ZNF654: variants seen among roughly 807,000 people sequenced by gnomAD.
ZNF654 encodes melanoma-associated antigen.
A neutral mutation model predicts 95.3 loss-of-function variants in ZNF654; 19 were observed. The observed-to-expected ratio is 0.20, with a 90% confidence interval of 0.14 to 0.29. ZNF654 has a LOEUF of 0.29. ZNF654 is among the 10% of genes least tolerant of loss of function. ZNF654 has a pLI of 1.00. For synonymous variants in ZNF654, 413 were observed against 457.9 expected, an observed-to-expected ratio of 0.90 and a Z score of 1.25; for missense variants, 1,046 against 1,341.0, an observed-to-expected ratio of 0.78 and a Z score of 3.44.
At chr3:88,091,777 T>C (rs551932214) in intron 2 of ZNF654, among the ~76,000 whole-genome samples, 1 of 152,286 alleles carries the variant, frequency 6.6e-6, no homozygotes, top group South Asian at 2.1e-4. Flanking sequence ...CTGCACATGC[T>C]CTCTTGCCTG....
chr3:88,130,569 GCCT>G (rs2107841108), intron 6 of ZNF654, among the ~76,000 whole-genome samples: 1 of 151,206 alleles, frequency 6.6e-6, no homozygotes, highest in South Asian at 2.1e-4. Flanking sequence ...TCCCGCCTCA[GCCT>G]CCTCAGTAGC....
chr3:88,104,643 A>T (rs1247536852), intron 2 of ZNF654, among the ~76,000 whole-genome samples: 1 of 152,214 alleles, frequency 6.6e-6, no homozygotes, highest in Non-Finnish European at 1.5e-5. Flanking sequence ...ATTAGGCGGG[A>T]TTTTTAAAGA....
chr3:88,122,370 A>G (rs540715759), intron 3 of ZNF654, among the ~76,000 whole-genome samples: 3 of 152,316 alleles, frequency 2.0e-5, no homozygotes, highest in Non-Finnish European at 4.4e-5. Flanking sequence ...CTTTCATCCT[A>G]TGATAAACTG....
intron 3 of ZNF654, among the ~76,000 whole-genome samples, chr3:88,122,593 A>G (rs1705834564): frequency 6.6e-6 from 1 of 152,206 alleles, no homozygotes; most frequent in African/African-American, 2.4e-5. Flanking sequence ...AATGGAAGTA[A>G]TTAAGGGGAT....
At chr3:88,081,905 A>T (rs563421113) in intron 1 of ZNF654, among the ~76,000 whole-genome samples, 18 of 152,332 alleles carry the variant, frequency 1.2e-4, no homozygotes, top group African/African-American at 4.3e-4. Context: ...ATACTTTTAT[A>T]TATACAACTA....
At chr3:88,111,245 G>GA (rs1232223338) in intron 2 of ZNF654, among the ~76,000 whole-genome samples, 3 of 151,912 alleles carry the variant, frequency 2.0e-5, no homozygotes, top group African/African-American at 7.2e-5. Context: ...TAGTAAAAAT[G>GA]AAAAATTACA....
Position 88,092,579 on chromosome 3 carries a change from C to G in ZNF654, c.332+6177C>G, listed in dbSNP as rs1319497755. On this transcript the variant is annotated intron_variant, in intron 2 of 8. Transcript: ENST00000636215. ...ATGGCAAACAGAATGTTTAAGGCAC[C>G]TGGATATTAACAGATTTCAATATAT... 3.3e-5 allele frequency among the ~76,000 whole-genome samples: 5 copies of G among 152,142 alleles called. No homozygotes were observed. In the East Asian group the frequency reaches 9.7e-4, roughly 29 times the overall value.
rs566270094 is a variant in ZNF654, at chr3:88,083,397, T to C, written c.187-2860T>C. ...TTAAGATATGACATTTTATAGTATA[T>C]ACTATATCCCATTTAGAGCAGAGTA... On this transcript the variant is annotated intron_variant, in intron 1 of 8. Transcript: ENST00000636215. Among the ~76,000 whole-genome samples, 35 of 152,344 alleles carry C rather than the reference T, an allele frequency of 2.3e-4. No homozygotes were observed. In the South Asian group the frequency reaches 6.8e-3, roughly 30 times the overall value.
chr3:88,060,089 CAG>C (rs747136360), intron 1 of ZNF654, among the ~76,000 whole-genome samples: 1 of 152,134 alleles, frequency 6.6e-6, no homozygotes, highest in Non-Finnish European at 1.5e-5. Context: ...TTTTTTCGGA[CAG>C]AGAGTGCGTT....
chr3:88,134,742 T>C (rs775222493), intron 6 of ZNF654, among the ~76,000 whole-genome samples: 2 of 152,120 alleles, frequency 1.3e-5, no homozygotes, highest in South Asian at 4.1e-4. Context: ...CCAAAGTTTA[T>C]TATTTTTAAG....
intron 2 of ZNF654, among the ~76,000 whole-genome samples, chr3:88,112,221 A>G (rs1335956554): frequency 1.3e-5 from 2 of 151,814 alleles, no homozygotes; most frequent in African/African-American, 2.4e-5. Flanking sequence ...AAAAGCATAT[A>G]TATTCTCATG....
At position 88,140,485 on chromosome 3, in the gene ZNF654, T is replaced by C. The variant is rs775471030; in HGVS notation, c.2816T>C (p.Val939Ala). The change falls in exon 8 of 9, where the codon GTT (valine) becomes GCT (alanine). Residue 939 changes from valine to alanine, a missense_variant. This residue lies in a region of ZNF654 where 495 missense variants were observed against 537.0 expected (regional missense o/e 0.92). Transcript: ENST00000636215. ...ESMEKKTDSL[V>A]QNGNERSDDT... ...ATGGAAAAGAAAACAGACAGTTTAG[T>C]TCAGAATGGAAACGAACGTTCTGAT... is the stretch of plus-strand genomic sequence containing the variant. 6.2e-7 allele frequency: 1 copy of C among 1,613,580 alleles called. No individual in the cohort carries two copies. The highest frequency in any genetic ancestry group is 1.3e-5 in the African/African-American group (1 of 74,882).
intron 7 of ZNF654, 70 bp downstream of exon 7, chr3:88,135,272 G>T: frequency 8.1e-7 from 1 of 1,229,168 alleles, no homozygotes; most frequent in South Asian, 2.1e-5. Context: ...AATCTCTTTT[G>T]ATAAAATTTA....
intron 1 of ZNF654, among the ~76,000 whole-genome samples, chr3:88,061,776 T>C (rs1706899207): frequency 6.6e-6 from 1 of 152,334 alleles, no homozygotes; most frequent in Admixed American, 6.5e-5. Context: ...TTTCTGACAC[T>C]GAGGCTAATA....
chr3:88,134,621 G>A (rs999117156), intron 6 of ZNF654, among the ~76,000 whole-genome samples: 22 of 151,958 alleles, frequency 1.4e-4, no homozygotes, highest in Admixed American at 5.2e-4. Flanking sequence ...AGTTTTAATC[G>A]TTAGTACTTT....
intron 6 of ZNF654, among the ~76,000 whole-genome samples, chr3:88,133,581 T>C (rs1399896858): frequency 6.8e-6 from 1 of 147,626 alleles, no homozygotes; most frequent in Non-Finnish European, 1.5e-5. Context: ...TGAAGTACTT[T>C]CCAAATATAG....
At chr3:88,120,839 A>T (rs572065810) in intron 3 of ZNF654, among the ~76,000 whole-genome samples, 3 of 152,052 alleles carry the variant, frequency 2.0e-5, no homozygotes, top group Non-Finnish European at 4.4e-5. Flanking sequence ...TTTTTGAAAA[A>T]TTTTCAAAAT....
rs1428830545 is a variant in ZNF654 at position 88,128,895 on chromosome 3, A to G, written c.637A>G (p.Met213Val). 25 of 1,535,548 alleles carry G rather than the reference A, an allele frequency of 1.6e-5. No individual in the cohort carries two copies. The highest frequency in any genetic ancestry group is 2.1e-5 in the Non-Finnish European group (24 of 1,146,618). ...TGCTTGTGAACGCATACCCGAAGCA[A>G]TGGCTCTTATTAAATCTTGTATAAA... is the stretch of plus-strand genomic sequence containing the variant. Reference protein sequence around the residue: ...LIACERIPEAMALIKSCINHP... With the variant: ...LIACERIPEAVALIKSCINHP... The change falls in exon 5 of 9, where the codon ATG (methionine) becomes GTG (valine). Residue 213 changes from methionine to valine, a missense_variant. Met to Val is a conservative substitution (Grantham distance 21). Transcript: ENST00000636215.
intron 1 of ZNF654, among the ~76,000 whole-genome samples, chr3:88,068,636 A>G (rs1338208903): frequency 2.0e-5 from 3 of 152,160 alleles, no homozygotes. Flanking sequence ...GGAATGCTTT[A>G]TATATGTATA....
Sources: allele counts gnomAD v4.1 joint callset (sites outside exome capture counted in the v4.1 genomes callset), GRCh38; gene constraint gnomAD v4.1.1; regional missense constraint gnomAD v4.1.1; transcripts MANE v1.5; gene names NCBI Gene and HGNC (gene_info 2026-07-23, HGNC 2026-07-21).